The following ARHGEF7 variants were observed in gnomAD, a reference collection of about 807,000 sequenced individuals.
ARHGEF7 encodes the protein PAK-interacting exchange factor beta.
In ARHGEF7, 33 loss-of-function variants were observed where a neutral mutation model predicts 109.8. That is an observed-to-expected ratio of 0.30 (90% CI 0.23 to 0.40). The LOEUF (loss-of-function observed/expected upper bound fraction) is 0.40, where lower values mean the gene tolerates loss of function less well. Ranked by LOEUF, ARHGEF7 falls within the 10% of genes least tolerant of loss-of-function variation. ARHGEF7 has a pLI of 1.00. For synonymous variants in ARHGEF7, 458 were observed against 424.6 expected, an observed-to-expected ratio of 1.08 and a Z score of -0.97; for missense variants, 938 against 1,098.5, an observed-to-expected ratio of 0.85 and a Z score of 2.07.
chr13:111,121,705 CG>C lies in ARHGEF7; in HGVS notation c.165+6017del, dbSNP rs371063666. Among the ~76,000 whole-genome samples the C allele has an allele frequency of 1.8e-3, 278 of 152,340 alleles. 3 individuals carry two copies. Among genetic ancestry groups the C allele is most frequent in the African/African-American group, 6.0e-3 (251 of 41,584 alleles). ...GGAGGACTGGCATCCCCCGAACCCACGGGTCCCTGCCTGGAGACACTGGGAG... is the reference window on the plus strand; with the variant it reads ...GGAGGACTGGCATCCCCCGAACCCACGGTCCCTGCCTGGAGACACTGGGAG... On this transcript the variant is annotated intron_variant, in intron 1 of 21. Transcript: ENST00000646102.
At chr13:111,217,990 CT>C in intron 5 of ARHGEF7, 110 bp downstream of exon 5, 1 of 1,126,628 alleles carries the variant, frequency 8.9e-7, no homozygotes, top group Non-Finnish European at 1.2e-6. Context: ...ATGACCTGGT[CT>C]TAGGATACAG....
chr13:111,221,353 CTATATATATATCTA>C lies in ARHGEF7; in HGVS notation c.670+3483_670+3496del, dbSNP rs1396961771. Among the ~76,000 whole-genome samples, 31 of 9,500 alleles carry C rather than the reference CTATATATATATCTA, an allele frequency of 3.3e-3. 4 individuals carry two copies. Among genetic ancestry groups the C allele is most frequent in the Non-Finnish European group, 8.1e-3 (26 of 3,226 alleles). The allele number at this position is 9,500 out of a possible 152,430, so 6.2% of individuals were successfully genotyped here. ...TGTCTATATATATCTATATATATGT[CTATATATATATCTA>C]TATATATATCTATATATATAGATGT... On this transcript the variant is annotated intron_variant, in intron 5 of 21. Transcript: ENST00000646102.
chr13:111,153,469 G>C (rs1566637975), intron 1 of ARHGEF7, among the ~76,000 whole-genome samples: 1 of 152,116 alleles, frequency 6.6e-6, no homozygotes, highest in Non-Finnish European at 1.5e-5. Flanking sequence ...AGGAGGCGGC[G>C]GTGGCCGCGC....
chr13:111,298,036 G>A (rs965351590), intron 19 of ARHGEF7, among the ~76,000 whole-genome samples: 14 of 152,246 alleles, frequency 9.2e-5, no homozygotes, highest in Admixed American at 6.5e-4. Context: ...GTCATCAACT[G>A]TCTGGGCTCA....
chr13:111,261,833 A>G (rs2081302743), intron 8 of ARHGEF7, among the ~76,000 whole-genome samples: 2 of 152,240 alleles, frequency 1.3e-5, no homozygotes, highest in South Asian at 4.1e-4. Context: ...AACTATGCAG[A>G]CACATGGAAA....
intron 1 of ARHGEF7, among the ~76,000 whole-genome samples, chr13:111,134,142 A>C (rs1594906661): frequency 6.6e-6 from 1 of 151,870 alleles, no homozygotes; most frequent in African/African-American, 2.4e-5. Flanking sequence ...TTATGGCTGC[A>C]TAGTATTCCA....
chr13:111,280,563 G>T lies in ARHGEF7; in HGVS notation c.1611G>T (p.Val537=). 6.2e-7 allele frequency: 1 copy of T among 1,610,436 alleles called. No homozygotes were observed. The highest frequency in any genetic ancestry group is 8.5e-7 in the Non-Finnish European group (1 of 1,178,624). Residue 537 remains valine (V), a synonymous_variant, in exon 15 of 22, where the codon GTG becomes GTT. Transcript: ENST00000646102. Reference sequence around the variant, plus strand: ...GGAGCATGATTGAGCGGATATTAGTGTCGTGCAACAACCAGCAGGATCTGC... The same window carrying T: ...GGAGCATGATTGAGCGGATATTAGTTTCGTGCAACAACCAGCAGGATCTGC... ...ISGSMIERIL[V]SCNNQQDLQE...
At chr13:111,134,018 G>C (rs1008704488) in intron 1 of ARHGEF7, among the ~76,000 whole-genome samples, 1 of 140,294 alleles carries the variant, frequency 7.1e-6, no homozygotes, top group Admixed American at 7.3e-5. Context: ...TGTTCTCATT[G>C]TTCAGTGAGT....
chr13:111,224,361 G>A (rs2084902875), intron 5 of ARHGEF7, among the ~76,000 whole-genome samples: 1 of 152,236 alleles, frequency 6.6e-6, no homozygotes, highest in Admixed American at 6.5e-5. Context: ...GGCACACACG[G>A]TTAGCAGCTG....
chr13:111,133,159 A>C (rs780976002), intron 1 of ARHGEF7, among the ~76,000 whole-genome samples: 17 of 152,108 alleles, frequency 1.1e-4, no homozygotes, highest in Admixed American at 6.5e-4. Context: ...GCACGTGTAT[A>C]TATGTGTATA....
intron 2 of ARHGEF7, among the ~76,000 whole-genome samples, chr13:111,175,682 G>C (rs972411143): frequency 3.3e-5 from 5 of 152,212 alleles, no homozygotes; most frequent in African/African-American, 1.2e-4. Flanking sequence ...TAGCAGCCCT[G>C]GGAGGTGGGA....
chr13:111,171,890 C>T (rs563824007), intron 2 of ARHGEF7, among the ~76,000 whole-genome samples: 26 of 152,252 alleles, frequency 1.7e-4, no homozygotes, highest in Admixed American at 9.8e-4. Flanking sequence ...CCTCTGCCCC[C>T]GTGCCATGTG....
intron 2 of ARHGEF7, among the ~76,000 whole-genome samples, chr13:111,200,911 T>G (rs543338320): frequency 6.6e-6 from 1 of 152,322 alleles, no homozygotes; most frequent in East Asian, 1.9e-4. Context: ...AGAAGCTGCT[T>G]GTTCAGTGAA....
intron 6 of ARHGEF7, among the ~76,000 whole-genome samples, chr13:111,235,392 T>A (rs939203780): frequency 3.3e-5 from 5 of 152,220 alleles, no homozygotes; most frequent in African/African-American, 1.2e-4. Flanking sequence ...GTTTTCCTTC[T>A]CTAACTGTCC....
rs1271522969 is a variant in ARHGEF7 at position 111,221,519 on chromosome 13, ATATC to A, written c.670+3643_670+3646del. On this transcript the variant is annotated intron_variant, in intron 5 of 21. Coordinates refer to ENST00000646102, the MANE Select transcript of ARHGEF7 (RefSeq NM_001354046.2). Reference sequence around the variant, plus strand: ...TATATATATCTATATATATAGATATATATCTATATATATCTATATATAGATACAT... The same window carrying A: ...TATATATATCTATATATATAGATATATATATATATCTATATATAGATACAT... Among the ~76,000 whole-genome samples, 55 of 37,490 alleles carry A rather than the reference ATATC, an allele frequency of 1.5e-3. 3 individuals carry two copies. The highest frequency in any genetic ancestry group is 4.8e-3 in the African/African-American group (53 of 10,956). 24.6% of individuals were successfully genotyped at this position (37,490 alleles called of 152,430 possible). A position where few individuals can be genotyped will look rare whatever the true frequency, so the allele number is the denominator to read the frequency against.
At chr13:111,301,556 T>C (rs3742181) in intron 21 of ARHGEF7, 24 bp downstream of exon 21, 547,496 of 1,569,934 alleles carry the variant, frequency 0.35, 106,020 homozygotes, top group East Asian at 0.87. Flanking sequence ...CATCTTTAAA[T>C]CTTTTTTTTC....
chr13:111,293,956 T>G, intron 19 of ARHGEF7: 2 of 985,412 alleles, frequency 2.0e-6, no homozygotes, highest in Non-Finnish European at 2.4e-6. Flanking sequence ...TCATTCAGCA[T>G]GGAACAAGCT....
chr13:111,206,422 C>T (rs914203002), intron 3 of ARHGEF7, among the ~76,000 whole-genome samples: 3 of 152,080 alleles, frequency 2.0e-5, no homozygotes, highest in African/African-American at 4.8e-5. Flanking sequence ...GCTGATGCCC[C>T]GGCGAGAGGC....
chr13:111,186,957 A>C, intron 2 of ARHGEF7: 1 of 985,662 alleles, frequency 1.0e-6, no homozygotes, highest in Non-Finnish European at 1.2e-6. Context: ...AGCCAGCGCT[A>C]CCATGGAGGC....
Sources: gnomAD v4.1 joint callset for allele counts (sites outside exome capture counted in the v4.1 genomes callset) on GRCh38, gnomAD v4.1.1 for gene constraint, MANE v1.5 for transcripts, NCBI Gene and HGNC (gene_info 2026-07-23, HGNC 2026-07-21) for gene names.